The following ST7 variants were observed in gnomAD, a reference collection of about 807,000 sequenced individuals.
The protein encoded by ST7 is suppression of tumorigenicity 7.
A neutral mutation model predicts 78.7 loss-of-function variants in ST7; 28 were observed. That is an observed-to-expected ratio of 0.36 (90% CI 0.26 to 0.49). The LOEUF (loss-of-function observed/expected upper bound fraction) is 0.49, where lower values mean the gene tolerates loss of function less well. Among genes scored for constraint, ST7 ranks in the 20% least tolerant of loss-of-function variants. ST7 has a pLI of 0.99. For synonymous variants in ST7, 247 were observed against 249.6 expected (o/e 0.99, Z 0.10); for missense variants, 418 against 696.0 (o/e 0.60, Z 4.49).
At chr7:117,129,454 A>C (rs1428007493) in intron 3 of ST7, among the ~76,000 whole-genome samples, 2 of 151,906 alleles carry the variant, frequency 1.3e-5, no homozygotes, top group Non-Finnish European at 2.9e-5. Flanking sequence ...ACTTCTGCCT[A>C]TACTTTTATC....
Position 117,004,588 on chromosome 7 carries a change from G to C in ST7, c.151+50897G>C, listed in dbSNP as rs1382351524. Among the ~76,000 whole-genome samples the C allele has an allele frequency of 2.0e-5, 3 of 152,072 alleles. No individual in the cohort carries two copies. The East Asian group carries it at 5.8e-4, about 29-fold the overall frequency. ...AGACCAGAGAATTGCTTGATCCCGG[G>C]AGGCGGAGGTTGCAGTGAGCCTAGA... On this transcript the variant is annotated intron_variant, in intron 1 of 15. Coordinates refer to ENST00000323984, the MANE Select transcript of ST7 (RefSeq NM_001369598.1).
At chr7:117,209,757 A>C in intron 12 of ST7, 30 bp from the exon 13 acceptor site, 1 of 1,605,574 alleles carries the variant, frequency 6.2e-7, no homozygotes, top group Non-Finnish European at 8.5e-7. Flanking sequence ...TTAGGTATTA[A>C]CACAAGTGTG....
intron 9 of ST7, among the ~76,000 whole-genome samples, chr7:117,169,804 CTTTTTTTT>C (rs757197865): frequency 6.8e-5 from 9 of 131,550 alleles, no homozygotes; most frequent in African/African-American, 2.6e-4. Context: ...CTTAGCAATC[CTTTTTTTT>C]TTTTTTTTTT....
At chr7:117,224,798 G>A (rs190662929) in intron 15 of ST7, among the ~76,000 whole-genome samples, 8 of 152,262 alleles carry the variant, frequency 5.3e-5, no homozygotes, top group South Asian at 2.1e-4. Context: ...GCATTCTCCC[G>A]TCTCCTTCCA....
intron 1 of ST7, among the ~76,000 whole-genome samples, chr7:116,973,912 C>A (rs978276799): frequency 2.0e-5 from 3 of 152,178 alleles, no homozygotes; most frequent in Non-Finnish European, 4.4e-5. Flanking sequence ...CCTCTTTACA[C>A]ATGTATTTGA....
intron 2 of ST7, among the ~76,000 whole-genome samples, chr7:117,117,391 A>G (rs546987822): frequency 6.6e-6 from 1 of 152,218 alleles, no homozygotes; most frequent in African/African-American, 2.4e-5. Flanking sequence ...ATTGGTGTGG[A>G]ACATGTAGTG....
In ST7 at chr7:117,143,633, T is replaced by C. The variant is rs527280029; in HGVS notation, c.963+5101T>C. ...TAACAACCCTTGACATTGGTGCTTGTTAAAGGTCATGTAACAAGGTAGTAT... is the reference window on the plus strand; with the variant it reads ...TAACAACCCTTGACATTGGTGCTTGCTAAAGGTCATGTAACAAGGTAGTAT... On this transcript the variant is annotated intron_variant, in intron 9 of 15. Coordinates refer to ENST00000323984, the MANE Select transcript of ST7 (RefSeq NM_001369598.1). Among the ~76,000 whole-genome samples the C allele has an allele frequency of 2.6e-5, 4 of 152,306 alleles. No homozygotes were observed. In the East Asian group the frequency reaches 7.7e-4, roughly 29 times the overall value.
intron 10 of ST7, among the ~76,000 whole-genome samples, chr7:117,181,816 A>T (rs1179895696): frequency 6.6e-6 from 1 of 152,330 alleles, no homozygotes; most frequent in South Asian, 2.1e-4. Context: ...CTGTTTGTCT[A>T]TACAATAGTA....
At chr7:117,174,658 T>G (rs1213445717) in intron 10 of ST7, among the ~76,000 whole-genome samples, 2 of 152,200 alleles carry the variant, frequency 1.3e-5, no homozygotes, top group Non-Finnish European at 2.9e-5. Context: ...ATTTAAATTG[T>G]TTTTATTAAT....
chr7:117,219,273 T>C lies in ST7; in HGVS notation c.1498+97T>C. 1 of 986,806 alleles carries C rather than the reference T, an allele frequency of 1.0e-6. No homozygotes were observed. The highest frequency in any genetic ancestry group is 2.2e-4 in the Middle Eastern group (1 of 4,446). 61.1% of individuals were successfully genotyped at this position (986,806 alleles called of 1,614,324 possible). ...AAAGTTTAGAATGCTCCTTGTCTTT[T>C]ATTACTTTTCTCCAAACCCCTGTCC... is the stretch of plus-strand genomic sequence containing the variant. On this transcript the variant is annotated intron_variant, in intron 14 of 15. Coordinates refer to ENST00000323984, the MANE Select transcript of ST7 (RefSeq NM_001369598.1). The surrounding 1 kb of genome is among the most constrained non-coding windows in gnomAD (Gnocchi z 5.1).
chr7:117,170,296 C>T (rs1807889244), intron 9 of ST7, among the ~76,000 whole-genome samples: 1 of 152,124 alleles, frequency 6.6e-6, no homozygotes, highest in Non-Finnish European at 1.5e-5. Flanking sequence ...AAATAAGAAG[C>T]ATTTAATGAT....
intron 1 of ST7, among the ~76,000 whole-genome samples, chr7:117,030,967 A>C (rs1436030911): frequency 3.3e-5 from 5 of 152,216 alleles, no homozygotes; most frequent in African/African-American, 1.2e-4. Flanking sequence ...CTGGATAAAG[A>C]AAATGTGGTA....
At chr7:116,997,922 AG>A (rs1457290714) in intron 1 of ST7, among the ~76,000 whole-genome samples, 1 of 152,280 alleles carries the variant, frequency 6.6e-6, no homozygotes, top group Non-Finnish European at 1.5e-5. Context: ...TCAGGAGCCC[AG>A]CTGGCTTCAC....
intron 9 of ST7, among the ~76,000 whole-genome samples, chr7:117,167,177 C>T (rs1563136529): frequency 6.6e-6 from 1 of 150,868 alleles, no homozygotes; most frequent in Non-Finnish European, 1.5e-5. Context: ...CCCACTAACT[C>T]GTCATCTAGC....
chr7:117,156,309 G>T (rs1423141501), intron 9 of ST7, among the ~76,000 whole-genome samples: 1 of 152,180 alleles, frequency 6.6e-6, no homozygotes, highest in Non-Finnish European at 1.5e-5. Flanking sequence ...AAAAGAAATG[G>T]TATAATCAAG....
chr7:117,198,368 C>T, intron 12 of ST7: 1 of 455,714 alleles, frequency 2.2e-6, no homozygotes, highest in African/African-American at 2.0e-5. Context: ...ACAGGTGCTT[C>T]TTGGGCCACC....
At position 117,130,540 on chromosome 7, in the gene ST7, C is replaced by T; in HGVS notation, c.499C>T (p.Leu167Phe). The change falls in exon 5 of 16, where the codon CTC (leucine) becomes TTC (phenylalanine). Residue 167 changes from leucine to phenylalanine, a missense_variant. Physicochemically the swap from Leu to Phe is conservative, Grantham distance 22. Around this residue, in one of 4 missense-constraint regions of ST7, gnomAD observed 288 missense variants for 537.1 expected, o/e 0.54. Transcript: ENST00000323984. ...GCCTCTTACTTACTATGACATGAAT[C>T]TCTCTGCCCAAGACCACCAGACATT... ...REPLTYYDMN[L>F]SAQDHQTFFT... is the part of the protein sequence containing the mutation. 2 of 1,611,604 alleles carry T rather than the reference C, an allele frequency of 1.2e-6. No homozygotes were observed. The highest frequency in any genetic ancestry group is 1.7e-6 in the Non-Finnish European group (2 of 1,178,394).
chr7:117,113,104 A>G (rs1241317531), intron 2 of ST7, among the ~76,000 whole-genome samples: 3 of 152,250 alleles, frequency 2.0e-5, no homozygotes, highest in Non-Finnish European at 4.4e-5. Context: ...CTTGCATTTC[A>G]GCACAAATTG....
chr7:116,978,019 C>G (rs942862847), intron 1 of ST7, among the ~76,000 whole-genome samples: 1 of 152,310 alleles, frequency 6.6e-6, no homozygotes, highest in African/African-American at 2.4e-5. Context: ...TCACTTCTCT[C>G]CTCAGTTCTC....
Sources: allele counts gnomAD v4.1 joint callset (sites outside exome capture counted in the v4.1 genomes callset), GRCh38; gene constraint gnomAD v4.1.1; regional missense constraint gnomAD v4.1.1; non-coding constraint Gnocchi (gnomAD v3.1); transcripts MANE v1.5; gene names NCBI Gene and HGNC (gene_info 2026-07-23, HGNC 2026-07-21).